Variants in RPGRIP1L observed in about 807,000 individuals in gnomAD.
RPGRIP1L encodes the protein protein fantom.
In RPGRIP1L, 131 loss-of-function variants were observed where a neutral mutation model predicts 160.4. The ratio of observed to expected loss-of-function variants is 0.82; its 90% CI spans 0.71 to 0.94. The LOEUF (loss-of-function observed/expected upper bound fraction) is 0.94, where lower values mean the gene tolerates loss of function less well. RPGRIP1L is among the 40% of genes least tolerant of loss of function. The pLI, the probability that RPGRIP1L is intolerant of heterozygous loss-of-function variation, is 0.00. For missense variants in RPGRIP1L, 1,522 were observed against 1,535.8 expected, an observed-to-expected ratio of 0.99 and a Z score of 0.15; for synonymous variants, 510 against 515.8, an observed-to-expected ratio of 0.99 and a Z score of 0.15.
In RPGRIP1L at chr16:53,610,966, C is replaced by T; in HGVS notation, c.3701+1G>A. On this transcript the variant is annotated splice_donor_variant, in intron 25 of 26. Coordinates refer to ENST00000647211, the MANE Select transcript of RPGRIP1L (RefSeq NM_015272.5). LOFTEE classifies it high-confidence loss of function. ...AGATTATTTGGACTGCCAAAACATA[C>T]CTTCTATTAGGCATCTCTTGTTTTT... 6.3e-7 allele frequency: 1 copy of T among 1,599,186 alleles called. No homozygotes were observed. The highest frequency in any genetic ancestry group is 2.2e-5 in the East Asian group (1 of 44,798).
At chr16:53,647,120 A>G (rs922488765) in intron 16 of RPGRIP1L, among the ~76,000 whole-genome samples, 3 of 152,106 alleles carry the variant, frequency 2.0e-5, no homozygotes, top group Non-Finnish European at 4.4e-5. Flanking sequence ...CTTATCTCTA[A>G]CTCCCATCCC....
chr16:53,646,945 T>C (rs1050189549), intron 16 of RPGRIP1L, among the ~76,000 whole-genome samples: 2 of 152,270 alleles, frequency 1.3e-5, no homozygotes, highest in African/African-American at 4.8e-5. Context: ...CAGGGCTAGT[T>C]TGCCCTCAGC....
chr16:53,643,058 G>A (rs1339718020), intron 17 of RPGRIP1L, among the ~76,000 whole-genome samples: 3 of 152,176 alleles, frequency 2.0e-5, no homozygotes, highest in Admixed American at 2.0e-4. Flanking sequence ...AGCACTTTGG[G>A]AGCTGAGGCA....
rs192245859 is a variant in RPGRIP1L at position 53,690,235 on chromosome 16, C to T, written c.529+1831G>A. 1.9e-3 allele frequency among the ~76,000 whole-genome samples: 286 copies of T among 152,268 alleles called. 2 individuals carry two copies. The highest frequency in any genetic ancestry group is 6.6e-3 in the African/African-American group (273 of 41,542). On this transcript the variant is annotated intron_variant, in intron 4 of 26. Coordinates refer to ENST00000647211, the MANE Select transcript of RPGRIP1L (RefSeq NM_015272.5). ...ATTTTTGAGACTTAGTCTCCTCTGT[C>T]GCCCAGGTTGGAGTGCAATGGTGCA...
chr16:53,609,039 G>A (rs565009644), intron 25 of RPGRIP1L, among the ~76,000 whole-genome samples: 25 of 152,058 alleles, frequency 1.6e-4, no homozygotes, highest in Middle Eastern at 3.2e-3. Flanking sequence ...TTCTTTGGGG[G>A]GTGTTTGCAG....
In RPGRIP1L at chr16:53,641,350, G is replaced by A. The variant is rs745890092; in HGVS notation, c.2809C>T (p.Arg937Cys). The change falls in exon 18 of 27, where the codon CGC becomes TGC. Residue 937 changes from arginine (R) to cysteine (C), a missense_variant. Coordinates refer to ENST00000647211, the MANE Select transcript of RPGRIP1L (RefSeq NM_015272.5). ...ITTEDLGNFI[R>C]SEEPEVVQRL... is the part of the protein sequence containing the mutation. ...TGAACAACTTCTGGCTCTTCGCTGC[G>A]AATGAAATTTCCTAAGTCTTCAGTT... 23 of 1,613,920 alleles carry A rather than the reference G, an allele frequency of 1.4e-5. No homozygotes were observed. The highest frequency in any genetic ancestry group is 7.7e-5 in the South Asian group (7 of 91,074).
chr16:53,633,812 T>G (rs971371670), intron 22 of RPGRIP1L, among the ~76,000 whole-genome samples: 5 of 152,168 alleles, frequency 3.3e-5, no homozygotes, highest in African/African-American at 4.8e-5. Context: ...AATCTATGAA[T>G]CCAGGTAAGG....
In RPGRIP1L at chr16:53,669,755, G is replaced by C. The variant is rs141851707; in HGVS notation, c.1103+1755C>G. Among the ~76,000 whole-genome samples, 120 of 152,218 alleles carry C rather than the reference G, an allele frequency of 7.9e-4. 2 individuals are homozygous for C. In the East Asian group the frequency reaches 0.023, roughly 29 times the overall value. The stretch of plus-strand genomic sequence containing the variant: ...ACTGAAGACATATGTAAATCAGTAA[G>C]AATTTCTGGATGTATAACAGTTCTG... On this transcript the variant is annotated intron_variant, in intron 9 of 26. Transcript: ENST00000647211.
At chr16:53,637,384 C>T (rs998177981) in intron 21 of RPGRIP1L, among the ~76,000 whole-genome samples, 1 of 152,032 alleles carries the variant, frequency 6.6e-6, no homozygotes, top group African/African-American at 2.4e-5. Context: ...AAGTCAAGAC[C>T]TCTACGCTAA....
At chr16:53,697,672 T>C (rs1274567092) in intron 2 of RPGRIP1L, among the ~76,000 whole-genome samples, 1 of 152,118 alleles carries the variant, frequency 6.6e-6, no homozygotes, top group Non-Finnish European at 1.5e-5. Context: ...TGCTCAATGG[T>C]GCCCAGGCTG....
chr16:53,655,577 T>C (rs186322010), intron 14 of RPGRIP1L: 12 of 152,296 alleles, frequency 7.9e-5, no homozygotes, highest in Non-Finnish European at 1.5e-4. Context: ...AGAACACTTA[T>C]ATGCTCCCCA....
At chr16:53,637,562 T>C (rs918851940) in intron 21 of RPGRIP1L, 133 bp downstream of exon 21, 3 of 780,498 alleles carry the variant, frequency 3.8e-6, no homozygotes, top group African/African-American at 1.7e-5. Flanking sequence ...CTATATTCTA[T>C]CATTTCTGTC....
chr16:53,636,293 G>GACTA, intron 22 of RPGRIP1L, 146 bp downstream of exon 22: 1 of 651,048 alleles, frequency 1.5e-6, no homozygotes, highest in South Asian at 1.9e-5. Flanking sequence ...TGTAGTAGAT[G>GACTA]ACTACTTGGT....
At chr16:53,638,009 T>C (rs1965949205) in intron 20 of RPGRIP1L, among the ~76,000 whole-genome samples, 155 bp from the exon 21 acceptor site, 1 of 152,142 alleles carries the variant, frequency 6.6e-6, no homozygotes, top group Non-Finnish European at 1.5e-5. Context: ...ACCACTTCAA[T>C]TTGTACAAAT....
chr16:53,697,594 C>T (rs1598424190), intron 2 of RPGRIP1L, among the ~76,000 whole-genome samples: 2 of 152,246 alleles, frequency 1.3e-5, no homozygotes, highest in Admixed American at 6.5e-5. Context: ...CAGCTCCTGA[C>T]CGCGAGTGAT....
intron 2 of RPGRIP1L, among the ~76,000 whole-genome samples, chr16:53,699,612 C>G (rs915223102): frequency 6.6e-6 from 1 of 152,058 alleles, no homozygotes; most frequent in African/African-American, 2.4e-5. Context: ...GAAAGATCTG[C>G]AGAGCAAAGC....
At chr16:53,617,834 A>G (rs1964474613) in intron 24 of RPGRIP1L, among the ~76,000 whole-genome samples, 1 of 152,218 alleles carries the variant, frequency 6.6e-6, no homozygotes, top group Non-Finnish European at 1.5e-5. Context: ...AATCCTGCTG[A>G]TACAACAGCA....
At chr16:53,651,798 C>G (rs1424166919) in intron 15 of RPGRIP1L, among the ~76,000 whole-genome samples, 2 of 152,126 alleles carry the variant, frequency 1.3e-5, no homozygotes, top group African/African-American at 4.8e-5. Flanking sequence ...TTATTTACCA[C>G]TGACCACCAT....
chr16:53,665,097 A>G (rs1209123228), intron 9 of RPGRIP1L, 88 bp from the exon 10 acceptor site: 1 of 1,448,794 alleles, frequency 6.9e-7, no homozygotes, highest in African/African-American at 1.4e-5. Flanking sequence ...TGGCGCAGAG[A>G]CCACTGTCAT....
Sources: gnomAD v4.1 joint callset for allele counts (sites outside exome capture counted in the v4.1 genomes callset) on GRCh38, gnomAD v4.1.1 for gene constraint, MANE v1.5 for transcripts, NCBI Gene and HGNC (gene_info 2026-07-23, HGNC 2026-07-21) for gene names.